SLC38A6: variants seen among roughly 807,000 people sequenced by gnomAD.
SLC38A6 encodes N system amino acid transporter NAT-1.
Under a neutral mutation model 65.0 loss-of-function variants are expected in SLC38A6, and 73 were observed. The observed-to-expected ratio is 1.12, with a 90% CI of 0.93 to 1.37. The LOEUF is 1.37. Ranked by LOEUF, SLC38A6 falls within the 40% of genes most tolerant of loss-of-function variation. SLC38A6 has a pLI of 0.00. For missense variants in SLC38A6, 561 were observed against 531.1 expected, an observed-to-expected ratio of 1.06 and a Z score of -0.55; for synonymous variants, 183 against 178.8, an observed-to-expected ratio of 1.02 and a Z score of -0.19.
At chr14:61,015,698 C>G (rs1209194786) in intron 3 of SLC38A6, among the ~76,000 whole-genome samples, 1 of 152,126 alleles carries the variant, frequency 6.6e-6, no homozygotes, top group African/African-American at 2.4e-5. Context: ...TTACATAAAA[C>G]AGCTGATTAA....
At chr14:61,002,767 A>T (rs2038799981) in intron 3 of SLC38A6, among the ~76,000 whole-genome samples, 1 of 152,158 alleles carries the variant, frequency 6.6e-6, no homozygotes, top group South Asian at 2.1e-4. Context: ...CGTAGCATTG[A>T]TTTCTTTAAT....
At chr14:61,003,755 A>G (rs963887599) in intron 3 of SLC38A6, among the ~76,000 whole-genome samples, 1 of 152,188 alleles carries the variant, frequency 6.6e-6, no homozygotes, top group Non-Finnish European at 1.5e-5. Context: ...CCTCAATGTT[A>G]AGCAAGAAGC....
chr14:61,061,767 G>T (rs770195213), intron 15 of SLC38A6, among the ~76,000 whole-genome samples: 2 of 152,088 alleles, frequency 1.3e-5, no homozygotes, highest in Non-Finnish European at 2.9e-5. Flanking sequence ...AGATCTCTTG[G>T]TTGCTTCCAA....
At chr14:61,022,727 C>T (rs2040408061) in intron 5 of SLC38A6, among the ~76,000 whole-genome samples, 1 of 151,984 alleles carries the variant, frequency 6.6e-6, no homozygotes. Context: ...TGGTTGTTTA[C>T]ATTAAAACTG....
chr14:61,045,521 C>T lies in SLC38A6; in HGVS notation c.824+96C>T, dbSNP rs536400461. 587 of 886,934 alleles carry T rather than the reference C, an allele frequency of 6.6e-4. 3 individuals are homozygous for T. The highest frequency in any genetic ancestry group is 2.2e-3 in the Middle Eastern group (10 of 4,508). The allele number at this position is 886,934 out of a possible 1,614,324, so 54.9% of individuals were successfully genotyped here. A position where few individuals can be genotyped will look rare whatever the true frequency, so the allele number is the denominator to read the frequency against. On this transcript the variant is annotated intron_variant, in intron 11 of 15. Coordinates refer to ENST00000267488, the MANE Select transcript of SLC38A6 (RefSeq NM_153811.3). ...GACATCCTCTTTTATTAATCCTTTC[C>T]TCTCATCAGTGGATCCTAAGTGTTA...
chr14:61,008,659 C>T (rs1179373395), intron 3 of SLC38A6, among the ~76,000 whole-genome samples: 1 of 151,908 alleles, frequency 6.6e-6, no homozygotes, highest in Non-Finnish European at 1.5e-5. Context: ...ATTTTTTGAG[C>T]CATTTAATTT....
intron 8 of SLC38A6, among the ~76,000 whole-genome samples, chr14:61,038,320 A>T (rs2041540986): frequency 6.6e-6 from 1 of 152,042 alleles, no homozygotes; most frequent in East Asian, 1.9e-4. Context: ...AAGAATTTAA[A>T]TTTATTTCCT....
chr14:61,044,248 A>G (rs779442118), intron 10 of SLC38A6, among the ~76,000 whole-genome samples: 15 of 152,132 alleles, frequency 9.9e-5, no homozygotes, highest in Non-Finnish European at 1.9e-4. Flanking sequence ...GTAAAACTCT[A>G]TTAGTGTAGA....
chr14:61,042,231 C>T (rs2041858125), intron 8 of SLC38A6, among the ~76,000 whole-genome samples: 1 of 152,052 alleles, frequency 6.6e-6, no homozygotes, highest in Non-Finnish European at 1.5e-5. Flanking sequence ...TGTTTTATCA[C>T]TGTGTAAAAT....
chr14:60,999,947 G>T (rs1337835395), intron 3 of SLC38A6, among the ~76,000 whole-genome samples: 1 of 152,166 alleles, frequency 6.6e-6, no homozygotes, highest in Non-Finnish European at 1.5e-5. Flanking sequence ...AAGCCATGAA[G>T]TTTGTGATAA....
intron 3 of SLC38A6, among the ~76,000 whole-genome samples, chr14:61,014,950 C>T (rs889699427): frequency 1.3e-5 from 2 of 152,294 alleles, no homozygotes; most frequent in Non-Finnish European, 2.9e-5. Flanking sequence ...GGTTTCTCTG[C>T]CTTTTGTTTG....
chr14:61,050,732 G>C, intron 13 of SLC38A6, 96 bp downstream of exon 13: 1 of 1,122,682 alleles, frequency 8.9e-7, no homozygotes, highest in Non-Finnish European at 1.2e-6. Context: ...ATCACATCTA[G>C]TCTTGTATAT....
chr14:61,001,205 G>A (rs1255427391), intron 3 of SLC38A6, among the ~76,000 whole-genome samples: 7 of 152,174 alleles, frequency 4.6e-5, no homozygotes. Context: ...GCTATTGGCA[G>A]GTAGTGGGTA....
At chr14:61,033,144 AAT>A (rs1333516037) in intron 6 of SLC38A6, among the ~76,000 whole-genome samples, 5 of 151,992 alleles carry the variant, frequency 3.3e-5, no homozygotes, top group African/African-American at 1.2e-4. Context: ...TGATTGACAC[AAT>A]TAAGTTGTCT....
At chr14:61,083,587 A>G in exon 17 of SLC38A6, 1 of 1,550,558 alleles carries the variant, frequency 6.4e-7, no homozygotes, top group Non-Finnish European at 8.7e-7. Flanking sequence ...CACCCAGAGG[A>G]AAGGCCACGC....
intron 3 of SLC38A6, among the ~76,000 whole-genome samples, chr14:61,000,005 A>G (rs781284707): frequency 2.4e-4 from 37 of 152,368 alleles, no homozygotes; most frequent in Middle Eastern, 3.4e-3. Flanking sequence ...ACATAATATA[A>G]TGCCATAACA....
chr14:60,985,637 A>G (rs529848179), intron 3 of SLC38A6, among the ~76,000 whole-genome samples: 1 of 152,340 alleles, frequency 6.6e-6, no homozygotes, highest in African/African-American at 2.4e-5. Context: ...TAAGAAGAAA[A>G]GTAGATACAC....
At chr14:61,044,597 AGTT>A (rs1199696277) in intron 10 of SLC38A6, among the ~76,000 whole-genome samples, 2 of 152,148 alleles carry the variant, frequency 1.3e-5, no homozygotes, top group Non-Finnish European at 2.9e-5. Flanking sequence ...AAGAGCCTGA[AGTT>A]AGTTAAGTGG....
chr14:60,998,131 G>T (rs2038423651), intron 3 of SLC38A6, among the ~76,000 whole-genome samples: 1 of 151,652 alleles, frequency 6.6e-6, no homozygotes, highest in Admixed American at 6.6e-5. Flanking sequence ...AAGAGAGAGT[G>T]ACTTTGATAT....
Sources: gnomAD v4.1 joint callset for allele counts (sites outside exome capture counted in the v4.1 genomes callset) on GRCh38, gnomAD v4.1.1 for gene constraint, MANE v1.5 for transcripts, NCBI Gene and HGNC (gene_info 2026-07-23, HGNC 2026-07-21) for gene names.